The following NXF1 variants were observed in gnomAD, a reference collection of about 807,000 sequenced individuals.
The protein encoded by NXF1 is mRNA export factor TAP.
In NXF1, 43 loss-of-function variants were observed where a neutral mutation model predicts 92.4. The ratio of observed to expected loss-of-function variants is 0.47; its 90% CI spans 0.36 to 0.60. NXF1 has a LOEUF of 0.60. Ranked by LOEUF, NXF1 falls within the 20% of genes least tolerant of loss-of-function variation. NXF1 has a pLI of 0.00. For missense variants in NXF1, 576 were observed against 793.0 expected, an observed-to-expected ratio of 0.73 and a Z score of 3.29; for synonymous variants, 288 against 292.2, an observed-to-expected ratio of 0.99 and a Z score of 0.15.
At position 62,805,401 on chromosome 11, in the gene NXF1, C is replaced by T; in HGVS notation, c.-45G>A. The T allele has an allele frequency of 6.2e-7, 1 of 1,609,098 alleles. No homozygotes were observed. The highest frequency in any genetic ancestry group is 8.5e-7 in the Non-Finnish European group (1 of 1,177,932). On this transcript the variant is annotated 5_prime_UTR_variant, in exon 1 of 21. Transcript: ENST00000294172. Reference sequence around the variant, plus strand: ...GCGGGCTCAGGCGCTGGCCGCTACGCCGGCAAACAACCTAACTCCCAAGCG... The same window carrying T: ...GCGGGCTCAGGCGCTGGCCGCTACGTCGGCAAACAACCTAACTCCCAAGCG...
chr11:62,799,610 T>G, intron 10 of NXF1: 1 of 985,864 alleles, frequency 1.0e-6, no homozygotes, highest in Non-Finnish European at 1.2e-6. Context: ...CAGGGTGACG[T>G]GCAGTGTGTG....
intron 11 of NXF1, 96 bp downstream of exon 11, chr11:62,798,436 TAAAAAAA>T (rs373725740): frequency 1.9e-5 from 22 of 1,181,370 alleles, no homozygotes; most frequent in Non-Finnish European, 2.3e-5. Context: ...CCGTCTCAAA[TAAAAAAA>T]AAAAAAAGAA....
intron 19 of NXF1, among the ~76,000 whole-genome samples, chr11:62,793,551 C>G (rs2084388751): frequency 3.9e-5 from 6 of 152,062 alleles, no homozygotes; most frequent in Admixed American, 3.9e-4. Context: ...GTGGCCTATG[C>G]CTGTAGTCCC....
intron 5 of NXF1, 27 bp downstream of exon 5, chr11:62,801,915 C>T (rs1423270504): frequency 1.2e-6 from 2 of 1,610,956 alleles, no homozygotes; most frequent in Non-Finnish European, 1.7e-6. Context: ...CCTCCACCTC[C>T]AGCCAAGCCA....
In NXF1 at chr11:62,803,456, C is replaced by T; in HGVS notation, c.332G>A (p.Ser111Asn). 6.2e-7 allele frequency: 1 copy of T among 1,614,070 alleles called. No individual in the cohort carries two copies. The highest frequency in any genetic ancestry group is 8.5e-7 in the Non-Finnish European group (1 of 1,180,026). ...CCAGTTCTTTGAGGTCCCATCCTGG[C>T]TGGTGCCAGCCCCTCCTCTCTCTGG... ...APPERGGAGT[S>N]QDGTSKNWFK... Residue 111 changes from serine (S) to asparagine (N), a missense_variant, in exon 3 of 21, where the codon AGC becomes AAC. By Grantham distance (46) the Ser-to-Asn change is conservative. Coordinates refer to ENST00000294172, the MANE Select transcript of NXF1 (RefSeq NM_006362.5).
In NXF1 at chr11:62,803,836, T is replaced by A. The variant is rs369364496; in HGVS notation, c.171A>T (p.Gly57=). 57 of 1,614,008 alleles carry A rather than the reference T, an allele frequency of 3.5e-5. No homozygotes were observed. The highest frequency in any genetic ancestry group is 4.7e-5 in the Non-Finnish European group (55 of 1,180,024). ...CCTGGGCATCACTCATTGCCACATC[T>A]CCATCATCTTCCTCAAGGCGGGAAG... ...IRSSRLEEDD[G]DVAMSDAQDG... is the part of the protein sequence containing the mutation. Residue 57 remains glycine, a synonymous_variant, in exon 2 of 21, where the codon GGA becomes GGT. Coordinates refer to ENST00000294172, the MANE Select transcript of NXF1 (RefSeq NM_006362.5).
intron 1 of NXF1, 110 bp from the exon 2 acceptor site, chr11:62,804,088 C>T (rs1428996022): frequency 1.3e-6 from 2 of 1,590,278 alleles, no homozygotes; most frequent in African/African-American, 2.7e-5. Context: ...ATACTAACGA[C>T]AGAGGCCATC....
At position 62,804,544 on chromosome 11, in the gene NXF1, T is replaced by C. The variant is rs113993569; in HGVS notation, c.29-566A>G. Among the ~76,000 whole-genome samples, 59 of 152,322 alleles carry C rather than the reference T, an allele frequency of 3.9e-4. 1 individual carries two copies. The highest frequency in any genetic ancestry group is 1.4e-3 in the African/African-American group (57 of 41,580). On this transcript the variant is annotated intron_variant, in intron 1 of 20. Coordinates refer to ENST00000294172, the MANE Select transcript of NXF1 (RefSeq NM_006362.5). ...AATGCTCTCCAGGAAGATGACCTTC[T>C]GATTCATGCTGTGTAGGACTGGCGT...
chr11:62,803,547 G>A lies in NXF1; in HGVS notation c.241C>T (p.Arg81Cys). The A allele has an allele frequency of 6.2e-6, 10 of 1,613,986 alleles. No homozygotes were observed. The highest frequency in any genetic ancestry group is 1.1e-5 in the South Asian group (1 of 91,070). Residue 81 changes from arginine to cysteine, a missense_variant, in exon 3 of 21, where the codon CGT (arginine) becomes TGT (cysteine). Transcript: ENST00000294172. Reference protein sequence around the residue: ...RYNPYTTRPNRRGDTWHDRDR... With the variant: ...RYNPYTTRPNCRGDTWHDRDR... ...CGATCATGCCAAGTATCACCCCGAC[G>A]GTTAGGTCGGGTGGTATAGGGGTTG...
intron 10 of NXF1, 61 bp downstream of exon 10, chr11:62,800,316 A>C (rs748444083): frequency 5.6e-6 from 9 of 1,611,976 alleles, no homozygotes; most frequent in Middle Eastern, 3.4e-4. Context: ...GTCAGGATGC[A>C]TTAGCTCAGC....
In NXF1 at chr11:62,802,070, A is replaced by G. The variant is rs1356883094; in HGVS notation, c.454-24T>C. On this transcript the variant is annotated intron_variant, in intron 4 of 20. Coordinates refer to ENST00000294172, the MANE Select transcript of NXF1 (RefSeq NM_006362.5). ...AACTACAAGAGGAAACAGGAGCATT[A>G]CACTGGGAGTCCAGAGCCCTTGGGG... The G allele has an allele frequency of 1.9e-6, 3 of 1,611,712 alleles. No individual in the cohort carries two copies. In the Admixed American group the frequency reaches 5.0e-5, roughly 27 times the overall value.
intron 10 of NXF1, chr11:62,799,052 GA>G: frequency 1.0e-6 from 1 of 993,882 alleles, no homozygotes; most frequent in Non-Finnish European, 1.2e-6. Context: ...TGGGGCTCAG[GA>G]AGAGGAGAGG....
At chr11:62,805,253 G>A (rs1590956741) in intron 1 of NXF1, 76 bp downstream of exon 1, 3 of 1,469,132 alleles carry the variant, frequency 2.0e-6, no homozygotes, top group Non-Finnish European at 9.1e-7. Flanking sequence ...CTCACGCCCC[G>A]GGGGCTGAGG....
chr11:62,797,102 A>G, intron 13 of NXF1, 81 bp downstream of exon 13: 1 of 1,270,292 alleles, frequency 7.9e-7, no homozygotes, highest in Non-Finnish European at 1.1e-6. Flanking sequence ...AAAACAAAAC[A>G]AAAAGATTGA....
chr11:62,800,228 C>G, intron 10 of NXF1, 149 bp downstream of exon 10: 1 of 1,457,598 alleles, frequency 6.9e-7, no homozygotes, highest in Non-Finnish European at 9.1e-7. Flanking sequence ...ACAGACAGAC[C>G]AAAGTGGGGA....
At chr11:62,800,579 T>C in intron 9 of NXF1, 93 bp from the exon 10 acceptor site, 1 of 706,322 alleles carries the variant, frequency 1.4e-6, no homozygotes, top group East Asian at 2.9e-5. Context: ...AGCTCTGAGA[T>C]CTTTTCTAAT....
At chr11:62,794,125 A>G in intron 19 of NXF1, 133 bp downstream of exon 19, 2 of 758,138 alleles carry the variant, frequency 2.6e-6, no homozygotes, top group Non-Finnish European at 4.2e-6. Context: ...TATGATCACC[A>G]CTATACTCCA....
chr11:62,793,402 A>G (rs1037596725), intron 19 of NXF1, among the ~76,000 whole-genome samples: 5 of 152,170 alleles, frequency 3.3e-5, no homozygotes, highest in Admixed American at 6.6e-5. Context: ...TTAAGCAGCC[A>G]AAAGTTTTGC....
chr11:62,801,825 G>C lies in NXF1; in HGVS notation c.559-6C>G, dbSNP rs373476244. 7 of 1,612,502 alleles carry C rather than the reference G, an allele frequency of 4.3e-6. No individual in the cohort carries two copies. Among genetic ancestry groups the C allele is most frequent in the Non-Finnish European group, 5.9e-6 (7 of 1,178,882 alleles). On this transcript the variant is annotated splice_polypyrimidine_tract_variant and splice_region_variant and intron_variant, in intron 5 of 20. Transcript: ENST00000294172. ...GAGTTGATGATGATAGATATCTGGA[G>C]GGAAGACACAGAGGGCACAGAAAAC...
Sources: allele counts gnomAD v4.1 joint callset (sites outside exome capture counted in the v4.1 genomes callset), GRCh38; gene constraint gnomAD v4.1.1; transcripts MANE v1.5; gene names NCBI Gene and HGNC (gene_info 2026-07-23, HGNC 2026-07-21).